FAM117A: variants seen among roughly 807,000 people sequenced by gnomAD.
The protein encoded by FAM117A is protein FAM117A.
FAM117A carries 21 observed loss-of-function variants against 44.1 expected under a neutral mutation model. The observed-to-expected ratio is 0.48, with a 90% confidence interval of 0.34 to 0.69. FAM117A has a LOEUF of 0.69. Ranked by LOEUF, FAM117A falls within the 30% of genes least tolerant of loss-of-function variation. FAM117A has a pLI of 0.01. For missense variants in FAM117A, 498 were observed against 589.9 expected (o/e 0.84, Z 1.61); for synonymous variants, 220 against 238.3 (o/e 0.92, Z 0.71).
At chr17:49,767,513 G>C (rs777373090), upstream of FAM117A, among the ~76,000 whole-genome samples, 1 of 152,246 alleles carries the variant, frequency 6.6e-6, no homozygotes, top group Non-Finnish European at 1.5e-5. Context: ...CCTGTATGCA[G>C]AAGTGGCCCT....
intron 7 of FAM117A, among the ~76,000 whole-genome samples, chr17:49,714,393 A>G (rs1457379290): frequency 1.4e-5 from 2 of 143,862 alleles, no homozygotes; most frequent in Non-Finnish European, 3.0e-5. Flanking sequence ...ACTGAAGTGT[A>G]GTGGTGCGAT....
At chr17:49,740,987 G>T (rs552721346) in intron 1 of FAM117A, among the ~76,000 whole-genome samples, 2 of 152,302 alleles carry the variant, frequency 1.3e-5, no homozygotes, top group South Asian at 4.1e-4. Flanking sequence ...CCCCTGACCA[G>T]TGGGTTCTGG....
At chr17:49,788,997 A>G (rs1265689079), upstream of FAM117A, 3 of 653,396 alleles carry the variant, frequency 4.6e-6, no homozygotes, top group Non-Finnish European at 7.2e-6. Context: ...TCCATACCCA[A>G]CAGAAAAATG....
intron 1 of FAM117A, among the ~76,000 whole-genome samples, chr17:49,757,178 A>G (rs954418858): frequency 6.7e-6 from 1 of 150,006 alleles, no homozygotes; most frequent in Non-Finnish European, 1.5e-5. Context: ...AGCTAAAGGC[A>G]CTCCATCTGT....
intron 1 of FAM117A, among the ~76,000 whole-genome samples, chr17:49,771,919 A>C (rs1371650129): frequency 6.6e-6 from 1 of 152,120 alleles, no homozygotes; most frequent in Admixed American, 6.5e-5. Flanking sequence ...GCTACAATAT[A>C]TCTTTGACAC....
chr17:49,771,140 G>A (rs1247859611), intron 1 of FAM117A, among the ~76,000 whole-genome samples: 2 of 152,180 alleles, frequency 1.3e-5, no homozygotes, highest in African/African-American at 4.8e-5. Context: ...CTGGGAGGTG[G>A]AGGTTGCAGT....
chr17:49,716,590 C>T lies in FAM117A; in HGVS notation c.911-275G>A, dbSNP rs561396310. Among the ~76,000 whole-genome samples, 9 of 152,238 alleles carry T rather than the reference C, an allele frequency of 5.9e-5. 1 individual carries two copies. In the South Asian group the frequency reaches 1.4e-3, roughly 25 times the overall value. ...ATATTCCCAGGAGGTAGACTGGGACCGGAACTCCAGATCTCAGACTTGAAG... is the reference window on the plus strand; with the variant it reads ...ATATTCCCAGGAGGTAGACTGGGACTGGAACTCCAGATCTCAGACTTGAAG... On this transcript the variant is annotated intron_variant, in intron 6 of 7. Transcript: ENST00000240364.
At chr17:49,764,236 C>A, upstream of FAM117A, 1 of 414,564 alleles carries the variant, frequency 2.4e-6, no homozygotes, top group Non-Finnish European at 4.3e-6. Context: ...ACCTTCCACC[C>A]CAGCCAATCC....
chr17:49,751,382 C>T (rs1408095776), intron 1 of FAM117A, among the ~76,000 whole-genome samples: 1 of 151,662 alleles, frequency 6.6e-6, no homozygotes, highest in East Asian at 1.9e-4. Flanking sequence ...AGATCGAGAC[C>T]ATCCTGGTCA....
chr17:49,762,752 A>G (rs1420411953), intron 1 of FAM117A, among the ~76,000 whole-genome samples: 1 of 152,206 alleles, frequency 6.6e-6, no homozygotes, highest in Non-Finnish European at 1.5e-5. Flanking sequence ...GTGTGCAATG[A>G]TCTTTTCACA....
intron 1 of FAM117A, among the ~76,000 whole-genome samples, chr17:49,780,029 C>T (rs1325594467): frequency 6.6e-6 from 1 of 152,122 alleles, no homozygotes; most frequent in African/African-American, 2.4e-5. Context: ...CTAAGATGTC[C>T]AAGGATGTGG....
chr17:49,732,904 A>C, intron 1 of FAM117A, 184 bp from the exon 2 acceptor site: 2 of 602,132 alleles, frequency 3.3e-6, no homozygotes, highest in Admixed American at 3.0e-5. Context: ...TTCCTGACCT[A>C]CTCAGCCAGC....
chr17:49,758,364 G>A (rs1456735467), intron 1 of FAM117A, among the ~76,000 whole-genome samples: 2 of 150,286 alleles, frequency 1.3e-5, no homozygotes, highest in Non-Finnish European at 3.0e-5. Flanking sequence ...GGTGGCTCAC[G>A]CCTGTAATCC....
intron 1 of FAM117A, among the ~76,000 whole-genome samples, chr17:49,781,181 CTT>C (rs928954307): frequency 6.6e-6 from 1 of 152,194 alleles, no homozygotes; most frequent in Non-Finnish European, 1.5e-5. Context: ...CAAAGCATCT[CTT>C]TCTCTCACTC....
At chr17:49,715,642 C>A (rs2073498858) in intron 7 of FAM117A, among the ~76,000 whole-genome samples, 1 of 152,152 alleles carries the variant, frequency 6.6e-6, no homozygotes, top group South Asian at 2.1e-4. Context: ...AAATTTCTGT[C>A]TGGGAGTTCA....
rs532320881 is a variant in FAM117A at position 49,739,647 on chromosome 17, C to T, written c.197-6927G>A. Among the ~76,000 whole-genome samples, 152 of 152,308 alleles carry T rather than the reference C, an allele frequency of 1.0e-3. 4 individuals are homozygous for T. The South Asian group carries it at 0.03, about 30-fold the overall frequency. ...CAGCATTGAGAAGTCACAACGGTTG[C>T]TTGTGGTTGGAAGATGAACTGGTTT... On this transcript the variant is annotated intron_variant, in intron 1 of 7. Coordinates refer to ENST00000240364, the MANE Select transcript of FAM117A (RefSeq NM_030802.4).
intron 2 of FAM117A, among the ~76,000 whole-genome samples, chr17:49,724,828 AAAAAAAAAAAAG>A (rs1270150169): frequency 6.6e-6 from 1 of 151,378 alleles, no homozygotes; most frequent in African/African-American, 2.4e-5. Flanking sequence ...TCAAGAAAAA[AAAAAAAAAAAAG>A]AAAGAAAGAA....
In FAM117A at chr17:49,729,445, C is replaced by T. The variant is rs145155535; in HGVS notation, c.366+3106G>A. ...GAGAAAGGGCAAAAGGTAAGGGCAG[C>T]GGTAGGAACAGCCCCACCCTCAGCT... On this transcript the variant is annotated intron_variant, in intron 2 of 7. Coordinates refer to ENST00000240364, the MANE Select transcript of FAM117A (RefSeq NM_030802.4). 2.0e-3 allele frequency among the ~76,000 whole-genome samples: 305 copies of T among 149,928 alleles called. 2 individuals are homozygous for T. The highest frequency in any genetic ancestry group is 0.011 in the Middle Eastern group (3 of 284).
At chr17:49,777,102 C>T (rs1011415014) in intron 1 of FAM117A, among the ~76,000 whole-genome samples, 14 of 152,168 alleles carry the variant, frequency 9.2e-5, no homozygotes, top group African/African-American at 2.9e-4. Context: ...AGTGGCTGGC[C>T]GCTGTGTTTG....
Sources: allele counts gnomAD v4.1 joint callset (sites outside exome capture counted in the v4.1 genomes callset), GRCh38; gene constraint gnomAD v4.1.1; transcripts MANE v1.5; gene names NCBI Gene and HGNC (gene_info 2026-07-23, HGNC 2026-07-21).